FBXL7: variants seen among roughly 807,000 people sequenced by gnomAD.
The protein encoded by FBXL7 is F-box and leucine rich repeat protein 7.
Under a neutral mutation model 38.3 loss-of-function variants are expected in FBXL7, and 12 were observed. The ratio of observed to expected loss-of-function variants is 0.31; its 90% CI spans 0.20 to 0.51. The LOEUF (loss-of-function observed/expected upper bound fraction) is 0.51, where lower values mean the gene tolerates loss of function less well. FBXL7 is among the 20% of genes least tolerant of loss of function. The pLI is 0.98. For missense variants in FBXL7, 567 were observed against 676.4 expected, an observed-to-expected ratio of 0.84 and a Z score of 1.79; for synonymous variants, 297 against 300.9, an observed-to-expected ratio of 0.99 and a Z score of 0.13.
At chr5:15,918,372 A>G (rs1017642840) in intron 2 of FBXL7, among the ~76,000 whole-genome samples, 2 of 152,220 alleles carry the variant, frequency 1.3e-5, no homozygotes, top group Non-Finnish European at 2.9e-5. Flanking sequence ...AGGCCACCCA[A>G]TCTTTATTCG....
At chr5:15,700,163 T>G (rs1743476823) in intron 2 of FBXL7, among the ~76,000 whole-genome samples, 1 of 152,192 alleles carries the variant, frequency 6.6e-6, no homozygotes, top group Non-Finnish European at 1.5e-5. Context: ...TTATGACTGA[T>G]TTCCTCTCAT....
At chr5:15,911,353 C>T (rs1184424865) in intron 2 of FBXL7, among the ~76,000 whole-genome samples, 7 of 102,838 alleles carry the variant, frequency 6.8e-5, no homozygotes, top group Non-Finnish European at 3.5e-5. Context: ...ACGTAGTTCT[C>T]GAGCCTTGGT....
chr5:15,565,622 A>G (rs1004752712), intron 1 of FBXL7, among the ~76,000 whole-genome samples: 5 of 151,980 alleles, frequency 3.3e-5, no homozygotes, highest in Admixed American at 6.6e-5. Flanking sequence ...ATATTGCACA[A>G]TTATGGAGGC....
chr5:15,801,610 T>C (rs186876149), intron 2 of FBXL7, among the ~76,000 whole-genome samples: 231 of 151,722 alleles, frequency 1.5e-3, no homozygotes, highest in African/African-American at 5.1e-3. Context: ...TATGGCCTTA[T>C]AGATATTCAT....
chr5:15,781,425 TTG>T (rs113143165), intron 2 of FBXL7, among the ~76,000 whole-genome samples: 3,270 of 150,742 alleles, frequency 0.022, 87 homozygotes, highest in East Asian at 0.067. Flanking sequence ...AAAGGAGAAA[TTG>T]TGTGAGTGTG....
chr5:15,619,602 C>T (rs1280158639), intron 2 of FBXL7, among the ~76,000 whole-genome samples: 2 of 152,198 alleles, frequency 1.3e-5, no homozygotes, highest in African/African-American at 4.8e-5. Flanking sequence ...TTGAGCTTCT[C>T]ATGATTTTTT....
At chr5:15,646,731 G>T (rs1741543744) in intron 2 of FBXL7, among the ~76,000 whole-genome samples, 1 of 152,138 alleles carries the variant, frequency 6.6e-6, no homozygotes, top group South Asian at 2.1e-4. Flanking sequence ...ATTAATGGAG[G>T]ACTGTCACTC....
chr5:15,626,078 TA>T (rs1255382802), intron 2 of FBXL7, among the ~76,000 whole-genome samples: 82 of 152,184 alleles, frequency 5.4e-4, no homozygotes, highest in Non-Finnish European at 2.9e-5. Flanking sequence ...TTTTCGTCTT[TA>T]AAAATTAAAT....
intron 2 of FBXL7, among the ~76,000 whole-genome samples, chr5:15,788,927 T>A (rs1021003728): frequency 6.7e-6 from 1 of 149,522 alleles, no homozygotes; most frequent in African/African-American, 2.5e-5. Context: ...CTCGGCTCAC[T>A]GCAAGCTCCG....
intron 2 of FBXL7, among the ~76,000 whole-genome samples, chr5:15,919,938 A>T (rs1379600912): frequency 1.3e-5 from 2 of 152,204 alleles, no homozygotes; most frequent in Non-Finnish European, 2.9e-5. Flanking sequence ...TAATGGGACC[A>T]TGGTGCAGAA....
intron 2 of FBXL7, among the ~76,000 whole-genome samples, chr5:15,646,693 T>C (rs1273842029): frequency 1.3e-5 from 2 of 152,236 alleles, no homozygotes; most frequent in Non-Finnish European, 2.9e-5. Context: ...TTCTCGATGT[T>C]AATGTTAACG....
chr5:15,688,592 T>C (rs1476290923), intron 2 of FBXL7, among the ~76,000 whole-genome samples: 1 of 152,194 alleles, frequency 6.6e-6, no homozygotes, highest in Non-Finnish European at 1.5e-5. Context: ...AGTCAGGCCA[T>C]GTTCTTGTCC....
In FBXL7 at chr5:15,799,096, A is replaced by G. The variant is rs900550002; in HGVS notation, c.128-128794A>G. On this transcript the variant is annotated intron_variant, in intron 2 of 3. Transcript: ENST00000504595. ...AGCACTGACCAGGCAATTGAATACA[A>G]GAGTGAACAAGAGTTTTATTCTGCT... Among the ~76,000 whole-genome samples the G allele has an allele frequency of 2.2e-4, 33 of 152,242 alleles. 1 individual carries two copies. The highest frequency in any genetic ancestry group is 1.9e-4 in the African/African-American group (8 of 41,462).
chr5:15,869,395 A>G (rs533196747), intron 2 of FBXL7, among the ~76,000 whole-genome samples: 161 of 152,238 alleles, frequency 1.1e-3, no homozygotes, highest in Non-Finnish European at 2.0e-3. Context: ...CACTGCTTTA[A>G]TGTTGTTATC....
chr5:15,657,873 A>G (rs1342929399), intron 2 of FBXL7, among the ~76,000 whole-genome samples: 1 of 152,108 alleles, frequency 6.6e-6, no homozygotes, highest in East Asian at 1.9e-4. Context: ...GACATTTAAA[A>G]TATTTGCTGA....
At chr5:15,544,615 G>A (rs1205004213) in intron 1 of FBXL7, among the ~76,000 whole-genome samples, 1 of 151,962 alleles carries the variant, frequency 6.6e-6, no homozygotes, top group Non-Finnish European at 1.5e-5. Context: ...AGAAAAGAAG[G>A]AAAAATATAT....
intron 1 of FBXL7, among the ~76,000 whole-genome samples, chr5:15,589,950 C>A (rs1334336048): frequency 3.9e-5 from 6 of 152,348 alleles, no homozygotes; most frequent in Admixed American, 6.5e-5. Context: ...ATTGCCTTCA[C>A]TTGATCCTCT....
chr5:15,893,864 A>G (rs530935291), intron 2 of FBXL7, among the ~76,000 whole-genome samples: 43 of 152,354 alleles, frequency 2.8e-4, no homozygotes, highest in Non-Finnish European at 3.8e-4. Context: ...ACGCCTGGTA[A>G]ACACCCATAT....
chr5:15,801,200 C>T (rs1417156253), intron 2 of FBXL7, among the ~76,000 whole-genome samples: 1 of 152,098 alleles, frequency 6.6e-6, no homozygotes, highest in Non-Finnish European at 1.5e-5. Context: ...GCAATAATAC[C>T]TGGGTCCGTG....
Sources: allele counts gnomAD v4.1 joint callset (sites outside exome capture counted in the v4.1 genomes callset), GRCh38; gene constraint gnomAD v4.1.1; transcripts MANE v1.5; gene names NCBI Gene and HGNC (gene_info 2026-07-23, HGNC 2026-07-21).